Variants in RB1CC1 observed in about 807,000 individuals in gnomAD.
RB1CC1 encodes RB1 inducible coiled-coil 1, also known as RB1-inducible coiled-coil protein 1.
A neutral mutation model predicts 177.5 loss-of-function variants in RB1CC1; 46 were observed. That is an observed-to-expected ratio of 0.26 (90% confidence interval 0.20 to 0.33). The LOEUF is 0.33. Ranked by LOEUF, RB1CC1 falls within the 10% of genes least tolerant of loss-of-function variation. The pLI, the probability that RB1CC1 is intolerant of heterozygous loss-of-function variation, is 1.00. For synonymous variants in RB1CC1, 666 were observed against 613.6 expected, an observed-to-expected ratio of 1.09 and a Z score of -1.26; for missense variants, 1,703 against 1,816.3, an observed-to-expected ratio of 0.94 and a Z score of 1.13.
chr8:52,637,953 G>A (rs1327425394), intron 18 of RB1CC1, among the ~76,000 whole-genome samples: 4 of 152,170 alleles, frequency 2.6e-5, no homozygotes, highest in Non-Finnish European at 4.4e-5. Context: ...TTACAGGCAT[G>A]AGCCACTGCG....
At chr8:52,651,471 C>A (rs997085364) in intron 15 of RB1CC1, among the ~76,000 whole-genome samples, 5 of 152,174 alleles carry the variant, frequency 3.3e-5, no homozygotes, top group Non-Finnish European at 7.3e-5. Context: ...AAAAGTTTGC[C>A]AACCATTTCT....
At position 52,656,699 on chromosome 8, in the gene RB1CC1, G is replaced by T. The variant is rs777313967; in HGVS notation, c.3130C>A (p.Gln1044Lys). ...EIIQEKEKQLQELKLKVSDLS... is the reference protein window; with the variant it reads ...EIIQEKEKQLKELKLKVSDLS... ...TCAGAAACCTTGAGTTTTAATTCCT[G>T]TAACTGTTTTTCTTTTTCCTGGATA... The change falls in exon 15 of 24, where the codon CAG becomes AAG. Residue 1044 changes from glutamine to lysine, a missense_variant. Physicochemically the swap from Gln to Lys is moderately conservative, Grantham distance 53. This residue lies in a region of RB1CC1 where 1,169 missense variants were observed against 1,184.7 expected (regional missense o/e 0.99). Coordinates refer to ENST00000025008, the MANE Select transcript of RB1CC1 (RefSeq NM_014781.5). 5.6e-6 allele frequency: 9 copies of T among 1,613,526 alleles called. No homozygotes were observed. In the Admixed American group the frequency reaches 1.5e-4, roughly 27 times the overall value.
intron 12 of RB1CC1, among the ~76,000 whole-genome samples, 193 bp downstream of exon 12, chr8:52,660,403 T>C (rs1406810375): frequency 6.6e-6 from 1 of 152,216 alleles, no homozygotes; most frequent in Non-Finnish European, 1.5e-5. Context: ...TGAAGATTCT[T>C]TATAAAAAAT....
At chr8:52,671,478 CAG>C (rs1284595754) in intron 7 of RB1CC1, among the ~76,000 whole-genome samples, 2 of 152,156 alleles carry the variant, frequency 1.3e-5, no homozygotes, top group Non-Finnish European at 2.9e-5. Context: ...CATCTCCAAT[CAG>C]AGAGAAATCT....
intron 1 of RB1CC1, among the ~76,000 whole-genome samples, chr8:52,712,726 T>C (rs1164517145): frequency 1.3e-5 from 2 of 152,216 alleles, no homozygotes; most frequent in African/African-American, 4.8e-5. Flanking sequence ...AAAGCATCCC[T>C]GACATAAAAC....
chr8:52,661,835 T>C (rs187016938), intron 8 of RB1CC1, 116 bp from the exon 9 acceptor site: 5 of 703,348 alleles, frequency 7.1e-6, no homozygotes, highest in South Asian at 3.5e-5. Context: ...CTTCTAACAA[T>C]ATTTTTAAAT....
At chr8:52,688,775 G>C (rs2150622384) in intron 1 of RB1CC1, among the ~76,000 whole-genome samples, 1 of 152,252 alleles carries the variant, frequency 6.6e-6, no homozygotes, top group East Asian at 1.9e-4. Flanking sequence ...CTGGTTTTGA[G>C]GCTTATGCGG....
intron 1 of RB1CC1, among the ~76,000 whole-genome samples, chr8:52,711,396 T>A (rs1352336385): frequency 1.3e-5 from 2 of 152,224 alleles, no homozygotes; most frequent in Admixed American, 6.5e-5. Context: ...TTTATCTATG[T>A]GAGTTAAGCA....
At chr8:52,627,671 A>T (rs1563343971) in intron 22 of RB1CC1, among the ~76,000 whole-genome samples, 1 of 152,120 alleles carries the variant, frequency 6.6e-6, no homozygotes, top group African/African-American at 2.4e-5. Flanking sequence ...ATAATTTAAG[A>T]AAGTTTTTTT....
chr8:52,677,461 T>C (rs1251595005), intron 5 of RB1CC1, among the ~76,000 whole-genome samples: 3 of 152,056 alleles, frequency 2.0e-5, no homozygotes, highest in Admixed American at 6.6e-5. Context: ...ACCCAGAAGA[T>C]ACTAAGGTAA....
chr8:52,701,970 G>A (rs773933034), intron 1 of RB1CC1, among the ~76,000 whole-genome samples: 24 of 151,882 alleles, frequency 1.6e-4, no homozygotes, highest in Non-Finnish European at 7.4e-5. Context: ...ACCACGTCCA[G>A]CTCATTTTTG....
intron 1 of RB1CC1, among the ~76,000 whole-genome samples, chr8:52,706,859 G>A (rs1023633050): frequency 1.2e-4 from 18 of 151,680 alleles, no homozygotes; most frequent in African/African-American, 2.2e-4. Context: ...ACAGGGTTTC[G>A]CCATGCTGGC....
chr8:52,633,045 C>T (rs528728045), intron 20 of RB1CC1, among the ~76,000 whole-genome samples: 87 of 152,270 alleles, frequency 5.7e-4, no homozygotes, highest in Middle Eastern at 3.4e-3. Flanking sequence ...CTCTTATCTA[C>T]CTATGACCTG....
At chr8:52,685,369 C>T (rs754653312) in intron 3 of RB1CC1, 30 bp downstream of exon 3, 96 of 1,479,130 alleles carry the variant, frequency 6.5e-5, no homozygotes, top group South Asian at 2.0e-4. Flanking sequence ...AGACAGAATG[C>T]GAAAAAAAAA....
chr8:52,673,936 A>T lies in RB1CC1; in HGVS notation c.911T>A (p.Phe304Tyr). ...IDTKDGDLPF[F>Y]NVSLLDWINV... ...TATCCAGTCTAACAAAGAGACATTA[A>T]AAAAGGGCAGATCACCATCTTTAGT... Residue 304 changes from phenylalanine to tyrosine, a missense_variant, in exon 7 of 24, where the codon TTT (phenylalanine) becomes TAT (tyrosine). Transcript: ENST00000025008. 2 of 1,614,148 alleles carry T rather than the reference A, an allele frequency of 1.2e-6. No individual in the cohort carries two copies. Among genetic ancestry groups the T allele is most frequent in the Non-Finnish European group, 1.7e-6 (2 of 1,180,004 alleles).
At chr8:52,664,837 A>G (rs971536226) in intron 8 of RB1CC1, among the ~76,000 whole-genome samples, 10 of 152,210 alleles carry the variant, frequency 6.6e-5, no homozygotes, top group African/African-American at 2.4e-4. Flanking sequence ...AACCAAGTAG[A>G]CTTGAGGGCA....
At chr8:52,672,777 TTC>T (rs1852723954) in intron 7 of RB1CC1, among the ~76,000 whole-genome samples, 1 of 152,120 alleles carries the variant, frequency 6.6e-6, no homozygotes, top group Non-Finnish European at 1.5e-5. Context: ...ACCTTAATTA[TTC>T]TGATCACAAT....
At chr8:52,649,810 T>G (rs1389496961) in intron 15 of RB1CC1, among the ~76,000 whole-genome samples, 1 of 152,212 alleles carries the variant, frequency 6.6e-6, no homozygotes, top group African/African-American at 2.4e-5. Context: ...CTCTTATTTC[T>G]TTGTACAAAG....
intron 8 of RB1CC1, among the ~76,000 whole-genome samples, chr8:52,662,477 A>C (rs1851715811): frequency 6.6e-6 from 1 of 152,072 alleles, no homozygotes; most frequent in Non-Finnish European, 1.5e-5. Flanking sequence ...TAACTTAATA[A>C]GGTTATTACT....
Sources: allele counts gnomAD v4.1 joint callset (sites outside exome capture counted in the v4.1 genomes callset), GRCh38; gene constraint gnomAD v4.1.1; regional missense constraint gnomAD v4.1.1; transcripts MANE v1.5; gene names NCBI Gene and HGNC (gene_info 2026-07-23, HGNC 2026-07-21).